Variants in TBC1D22B observed in about 807,000 individuals in gnomAD.
The protein encoded by TBC1D22B is chromosome 6 open reading frame 197.
TBC1D22B carries 32 observed loss-of-function variants against 69.1 expected under a neutral mutation model. The observed-to-expected ratio is 0.46, with a 90% CI of 0.35 to 0.62. The LOEUF (loss-of-function observed/expected upper bound fraction) is 0.62, where lower values mean the gene tolerates loss of function less well. Ranked by LOEUF, TBC1D22B falls within the 20% of genes least tolerant of loss-of-function variation. TBC1D22B has a pLI of 0.00. For missense variants in TBC1D22B, 462 were observed against 630.9 expected, an observed-to-expected ratio of 0.73 and a Z score of 2.87; for synonymous variants, 206 against 229.8, an observed-to-expected ratio of 0.90 and a Z score of 0.94.
chr6:37,309,546 A>G (rs1284830937), intron 8 of TBC1D22B, among the ~76,000 whole-genome samples: 2 of 152,040 alleles, frequency 1.3e-5, no homozygotes, highest in African/African-American at 4.8e-5. Flanking sequence ...TGTGGGTTTC[A>G]CTTTTTTCCA....
At chr6:37,265,128 A>G (rs893512628) in intron 1 of TBC1D22B, among the ~76,000 whole-genome samples, 5 of 152,234 alleles carry the variant, frequency 3.3e-5, no homozygotes, top group African/African-American at 1.2e-4. Context: ...AGAATATGTT[A>G]ACAAATTCAA....
rs772926316 is a variant in TBC1D22B at position 37,279,374 on chromosome 6, T to C, written c.184T>C (p.Phe62Leu). 1 of 1,614,134 alleles carries C rather than the reference T, an allele frequency of 6.2e-7. No homozygotes were observed. Among genetic ancestry groups the C allele is most frequent in the Non-Finnish European group, 8.5e-7 (1 of 1,180,000 alleles). Residue 62 changes from phenylalanine to leucine, a missense_variant, in exon 3 of 13, where the codon TTT becomes CTT. This residue lies in a region of TBC1D22B where 237 missense variants were observed against 255.4 expected (regional missense o/e 0.93). Transcript: ENST00000373491. ...KNKKASSFHE[F>L]ARNTSDAWDI... ...TAAGAAGGCCTCCAGTTTTCATGAG[T>C]TTGCACGGAATACCAGTGATGCTTG... is the stretch of plus-strand genomic sequence containing the variant.
chr6:37,320,510 C>G (rs2113788491), intron 12 of TBC1D22B, among the ~76,000 whole-genome samples: 1 of 152,146 alleles, frequency 6.6e-6, no homozygotes, highest in East Asian at 1.9e-4. Flanking sequence ...ATTCACGAGT[C>G]CTGGAAGCAA....
chr6:37,295,545 G>A, intron 8 of TBC1D22B: 2 of 379,856 alleles, frequency 5.3e-6, no homozygotes, highest in Admixed American at 3.0e-5. Flanking sequence ...ACTTCTGCTG[G>A]CATGTCTTCT....
At chr6:37,293,113 T>G (rs1767243750) in intron 8 of TBC1D22B, among the ~76,000 whole-genome samples, 1 of 151,680 alleles carries the variant, frequency 6.6e-6, no homozygotes, top group South Asian at 2.1e-4. Context: ...AGTCTCGCTC[T>G]GTCGCCCAGG....
intron 9 of TBC1D22B, 104 bp from the exon 10 acceptor site, chr6:37,313,712 C>G: frequency 9.4e-7 from 1 of 1,066,248 alleles, no homozygotes; most frequent in South Asian, 1.3e-5. Context: ...GCCATTGGTA[C>G]TAGCTTTGGA....
chr6:37,260,930 T>A (rs1766071225), intron 1 of TBC1D22B, among the ~76,000 whole-genome samples: 1 of 152,238 alleles, frequency 6.6e-6, no homozygotes, highest in Admixed American at 6.5e-5. Context: ...CTATTGTACG[T>A]AATGCTTTTA....
chr6:37,305,549 G>T (rs1157531454), intron 8 of TBC1D22B, among the ~76,000 whole-genome samples: 13 of 142,606 alleles, frequency 9.1e-5, no homozygotes, highest in African/African-American at 2.6e-4. Context: ...ACGGAGTGTT[G>T]CTCTGTCCCC....
chr6:37,261,281 A>C (rs1400231054), intron 1 of TBC1D22B, among the ~76,000 whole-genome samples: 1 of 151,878 alleles, frequency 6.6e-6, no homozygotes, highest in Non-Finnish European at 1.5e-5. Context: ...TAAAAATACA[A>C]ATTAGCTGGG....
At chr6:37,270,199 C>G (rs1583527800) in intron 2 of TBC1D22B, among the ~76,000 whole-genome samples, 1 of 152,170 alleles carries the variant, frequency 6.6e-6, no homozygotes, top group Admixed American at 6.6e-5. Context: ...CGCCTGTAAT[C>G]CCAGCACTTT....
intron 12 of TBC1D22B, among the ~76,000 whole-genome samples, chr6:37,322,690 C>A (rs1768285390): frequency 6.6e-6 from 1 of 152,174 alleles, no homozygotes; most frequent in Admixed American, 6.5e-5. Flanking sequence ...AGTTGTCAGA[C>A]TTGGGGAAGA....
intron 8 of TBC1D22B, among the ~76,000 whole-genome samples, chr6:37,294,514 A>G (rs528134102): frequency 5.9e-5 from 9 of 152,288 alleles, no homozygotes; most frequent in African/African-American, 2.2e-4. Flanking sequence ...GGAGTAGTCA[A>G]TGTCTGGCTT....
intron 1 of TBC1D22B, among the ~76,000 whole-genome samples, chr6:37,258,858 C>T (rs1049306967): frequency 3.9e-5 from 6 of 151,916 alleles, no homozygotes; most frequent in Non-Finnish European, 5.9e-5. Context: ...CAGCTACAGT[C>T]TACTTGGTGA....
chr6:37,327,426 C>T (rs368707529), intron 12 of TBC1D22B, among the ~76,000 whole-genome samples: 4 of 72,660 alleles, frequency 5.5e-5, no homozygotes, highest in African/African-American at 8.2e-5. Context: ...TGCAGTGAGC[C>T]GAGATCGTGC....
intron 2 of TBC1D22B, among the ~76,000 whole-genome samples, chr6:37,278,518 TG>T (rs1406221697): frequency 3.9e-5 from 6 of 152,038 alleles, no homozygotes; most frequent in African/African-American, 1.2e-4. Flanking sequence ...ATGTCTAAAA[TG>T]GGGGTGGGGT....
chr6:37,276,129 T>C (rs938536032), intron 2 of TBC1D22B, among the ~76,000 whole-genome samples: 2 of 152,028 alleles, frequency 1.3e-5, no homozygotes, highest in African/African-American at 4.8e-5. Flanking sequence ...CACACCTGGC[T>C]AATTTTTGTA....
At position 37,257,859 on chromosome 6, in the gene TBC1D22B, G is replaced by T; in HGVS notation, c.-59G>T. On this transcript the variant is annotated 5_prime_UTR_variant, in exon 1 of 13. Coordinates refer to ENST00000373491, the MANE Select transcript of TBC1D22B (RefSeq NM_017772.4). ...GTTGGCCCTCAGATTGCGGGGTCTGGGGGCATCTCGCCGGGCAAACCCTTG... is the reference window on the plus strand; with the variant it reads ...GTTGGCCCTCAGATTGCGGGGTCTGTGGGCATCTCGCCGGGCAAACCCTTG... 1 of 1,580,326 alleles carries T rather than the reference G, an allele frequency of 6.3e-7. No homozygotes were observed.
chr6:37,273,626 G>A (rs1399139701), intron 2 of TBC1D22B, among the ~76,000 whole-genome samples: 2 of 152,190 alleles, frequency 1.3e-5, no homozygotes, highest in African/African-American at 2.4e-5. Flanking sequence ...TTTCAGTCAT[G>A]CTTTCAATAG....
intron 10 of TBC1D22B, among the ~76,000 whole-genome samples, chr6:37,315,994 T>C (rs1180933597): frequency 6.6e-6 from 1 of 152,220 alleles, no homozygotes; most frequent in Non-Finnish European, 1.5e-5. Context: ...CCCTCTGAGG[T>C]GTGAATGATT....
Sources: allele counts gnomAD v4.1 joint callset (sites outside exome capture counted in the v4.1 genomes callset), GRCh38; gene constraint gnomAD v4.1.1; regional missense constraint gnomAD v4.1.1; transcripts MANE v1.5; gene names NCBI Gene and HGNC (gene_info 2026-07-23, HGNC 2026-07-21).